Variants in SLC35F4 observed in about 807,000 individuals in gnomAD.
The protein encoded by SLC35F4 is chromosome 14 open reading frame 36.
A neutral mutation model predicts 44.2 loss-of-function variants in SLC35F4; 24 were observed. The ratio of observed to expected loss-of-function variants is 0.54; its 90% CI spans 0.39 to 0.76. The LOEUF is 0.76. SLC35F4 is among the 30% of genes least tolerant of loss of function. SLC35F4 has a pLI of 0.00. For missense variants in SLC35F4, 562 were observed against 586.1 expected (o/e 0.96, Z 0.42); for synonymous variants, 238 against 223.6 (o/e 1.06, Z -0.57).
chr14:57,772,739 A>G (rs1295370474), intron 1 of SLC35F4, among the ~76,000 whole-genome samples: 1 of 152,156 alleles, frequency 6.6e-6, no homozygotes, highest in Non-Finnish European at 1.5e-5. Flanking sequence ...TATCACATTT[A>G]TTTATTTATT....
chr14:57,958,736 A>G (rs754905343), intron 1 of SLC35F4, among the ~76,000 whole-genome samples: 1 of 152,188 alleles, frequency 6.6e-6, no homozygotes, highest in Non-Finnish European at 1.5e-5. Flanking sequence ...TGGCAATACC[A>G]AGCGCTGAGT....
chr14:57,869,641 C>A (rs8006186), upstream of SLC35F4, among the ~76,000 whole-genome samples: 69,875 of 152,066 alleles, frequency 0.46, 19,146 homozygotes, highest in African/African-American at 0.76. Context: ...AGCCAAGAAT[C>A]TTTAAGCTTT....
In SLC35F4 at chr14:57,717,552, C is replaced by G. The variant is rs945594861; in HGVS notation, c.104-123428G>C. On this transcript the variant is annotated intron_variant, in intron 1 of 7. Coordinates refer to ENST00000556826, the MANE Select transcript of SLC35F4 (RefSeq NM_001306087.2). ...TCGGGAGGCTGAGGCAGGAGAATGG[C>G]ATGAACCTGGGAGACGGAGCTTGCA... Among the ~76,000 whole-genome samples, 9 of 152,298 alleles carry G rather than the reference C, an allele frequency of 5.9e-5. No homozygotes were observed. The South Asian group carries it at 1.4e-3, about 25-fold the overall frequency.
At chr14:57,635,765 A>C (rs906103850) in intron 1 of SLC35F4, among the ~76,000 whole-genome samples, 10 of 152,176 alleles carry the variant, frequency 6.6e-5, no homozygotes, top group African/African-American at 2.4e-4. Context: ...TTACAAATGT[A>C]TTCTTGGAAG....
chr14:57,721,889 G>GC (rs1252524177), intron 1 of SLC35F4, among the ~76,000 whole-genome samples: 3 of 151,860 alleles, frequency 2.0e-5, no homozygotes, highest in African/African-American at 4.8e-5. Context: ...AACAGTGATG[G>GC]CCCCCCCTGA....
intron 1 of SLC35F4, among the ~76,000 whole-genome samples, chr14:57,607,063 G>A (rs1276898588): frequency 6.6e-6 from 1 of 152,152 alleles, no homozygotes; most frequent in Non-Finnish European, 1.5e-5. Context: ...TCTATAAAGA[G>A]TGCTAAATGC....
At chr14:57,689,807 G>A (rs375221713) in intron 1 of SLC35F4, among the ~76,000 whole-genome samples, 14 of 151,294 alleles carry the variant, frequency 9.3e-5, no homozygotes, top group South Asian at 2.1e-4. Flanking sequence ...TAATGGGTGC[G>A]GCACACCAAT....
chr14:57,802,028 T>G (rs1417414706), intron 1 of SLC35F4, among the ~76,000 whole-genome samples: 2 of 152,194 alleles, frequency 1.3e-5, no homozygotes, highest in African/African-American at 4.8e-5. Context: ...AGAATATACA[T>G]TCTTCTCATT....
At chr14:57,677,824 A>G (rs1308146403) in intron 1 of SLC35F4, among the ~76,000 whole-genome samples, 1 of 152,052 alleles carries the variant, frequency 6.6e-6, no homozygotes, top group Non-Finnish European at 1.5e-5. Flanking sequence ...TATTAATACC[A>G]GTTGAAAAAT....
intron 1 of SLC35F4, among the ~76,000 whole-genome samples, chr14:57,666,530 A>C (rs967694103): frequency 6.6e-6 from 1 of 152,140 alleles, no homozygotes; most frequent in Non-Finnish European, 1.5e-5. Context: ...GCTTCATTGC[A>C]GTCTTGGGAA....
At chr14:57,912,957 C>G (rs569635011) in intron 1 of SLC35F4, among the ~76,000 whole-genome samples, 1 of 152,192 alleles carries the variant, frequency 6.6e-6, no homozygotes, top group Admixed American at 6.5e-5. Flanking sequence ...TTGTTAGACA[C>G]ATACACAATA....
chr14:57,637,595 G>A (rs2073063139), intron 1 of SLC35F4, among the ~76,000 whole-genome samples: 1 of 152,136 alleles, frequency 6.6e-6, no homozygotes, highest in African/African-American at 2.4e-5. Context: ...ACTAGAAGCA[G>A]GCTCAATCTT....
chr14:57,750,116 A>G (rs2076849000), intron 1 of SLC35F4, among the ~76,000 whole-genome samples: 2 of 151,742 alleles, frequency 1.3e-5, no homozygotes, highest in Admixed American at 1.3e-4. Flanking sequence ...TTTAGCACCC[A>G]CTTAAGAGTG....
intron 1 of SLC35F4, among the ~76,000 whole-genome samples, chr14:57,796,914 T>G (rs1395777857): frequency 6.6e-6 from 1 of 152,228 alleles, no homozygotes; most frequent in African/African-American, 2.4e-5. Context: ...ATTAAAATAT[T>G]AACAATTTTG....
chr14:57,980,224 A>T (rs868181628), intron 1 of SLC35F4, among the ~76,000 whole-genome samples: 3 of 152,144 alleles, frequency 2.0e-5, no homozygotes, highest in Non-Finnish European at 4.4e-5. Flanking sequence ...TACCTATCTT[A>T]GATGGTTTTA....
intron 1 of SLC35F4, among the ~76,000 whole-genome samples, chr14:57,790,394 A>G (rs2077885217): frequency 1.3e-5 from 2 of 152,186 alleles, no homozygotes; most frequent in South Asian, 4.1e-4. Flanking sequence ...AATTGCTGCA[A>G]AGAGAAAAAA....
At chr14:57,944,772 AAAAGAAAAAAGAAAAGAAG>A (rs1274832271) in intron 1 of SLC35F4, among the ~76,000 whole-genome samples, 3 of 151,818 alleles carry the variant, frequency 2.0e-5, no homozygotes, top group Non-Finnish European at 2.9e-5. Flanking sequence ...GAAAGAAAAG[AAAAGAAAAAAGAAAAGAAG>A]AAAGAAAAAA....
At chr14:57,945,720 C>T (rs1890015006) in intron 1 of SLC35F4, among the ~76,000 whole-genome samples, 2 of 152,024 alleles carry the variant, frequency 1.3e-5, no homozygotes. Flanking sequence ...AGTGGTTTTA[C>T]TAGTTTACAT....
chr14:57,703,175 G>A (rs113526948), intron 1 of SLC35F4, among the ~76,000 whole-genome samples: 137 of 152,134 alleles, frequency 9.0e-4, no homozygotes, highest in African/African-American at 3.0e-3. Context: ...TGCTATTTTC[G>A]TCCATCAACT....
Sources: allele counts gnomAD v4.1 joint callset (sites outside exome capture counted in the v4.1 genomes callset), GRCh38; gene constraint gnomAD v4.1.1; transcripts MANE v1.5; gene names NCBI Gene and HGNC (gene_info 2026-07-23, HGNC 2026-07-21).